Variants in RTN4RL1 observed in about 807,000 individuals in gnomAD.
RTN4RL1 encodes reticulon-4 receptor-like 1.
Under a neutral mutation model 25.6 loss-of-function variants are expected in RTN4RL1, and 7 were observed. That is an observed-to-expected ratio of 0.27 (90% CI 0.16 to 0.51). The LOEUF (loss-of-function observed/expected upper bound fraction) is 0.51. Among genes scored for constraint, RTN4RL1 ranks in the 20% least tolerant of loss-of-function variants. The probability of loss-of-function intolerance (pLI) is 0.97; values close to 1 mark genes in which losing one functional copy is unlikely to be tolerated. For missense variants in RTN4RL1, 500 were observed against 615.6 expected (o/e 0.81, Z 1.99); for synonymous variants, 297 against 288.2 (o/e 1.03, Z -0.31).
intron 1 of RTN4RL1, among the ~76,000 whole-genome samples, chr17:2,011,805 G>A (rs761079744): frequency 9.9e-5 from 15 of 152,130 alleles, no homozygotes; most frequent in South Asian, 4.1e-4. Context: ...AGGCAGCCCC[G>A]GGGCTAACTG....
At chr17:1,986,118 G>C (rs535918402) in intron 1 of RTN4RL1, among the ~76,000 whole-genome samples, 6 of 152,046 alleles carry the variant, frequency 3.9e-5, no homozygotes, top group Non-Finnish European at 4.4e-5. Flanking sequence ...GTGGAAGAGA[G>C]CCATCTCCAG....
rs748153686 is a variant in RTN4RL1, at chr17:1,937,855, G to A, written c.14-47C>T. On this transcript the variant is annotated intron_variant, in intron 1 of 1. Transcript: ENST00000331238. ...GCCAGGTCAGGGGCCGTGCAGGTGA[G>A]GACTGGCACCGCACCCTCCGGCGCC... The A allele has an allele frequency of 3.2e-5, 46 of 1,445,524 alleles. No individual in the cohort carries two copies. The African/African-American group carries it at 5.3e-4, about 17-fold the overall frequency. The allele number at this position is 1,445,524 out of a possible 1,614,324, so 89.5% of individuals were successfully genotyped here.
chr17:1,970,411 A>G (rs1219105009), intron 1 of RTN4RL1, among the ~76,000 whole-genome samples: 1 of 152,152 alleles, frequency 6.6e-6, no homozygotes, highest in African/African-American at 2.4e-5. Context: ...TCCTAAAACC[A>G]CAGCGTGAAA....
chr17:1,941,993 G>A (rs1915447768), intron 1 of RTN4RL1, among the ~76,000 whole-genome samples: 2 of 152,188 alleles, frequency 1.3e-5, no homozygotes, highest in Admixed American at 6.5e-5. Flanking sequence ...GAGCCTTGGC[G>A]GTGCATTTTA....
chr17:1,992,161 G>A (rs1304666191), intron 1 of RTN4RL1, among the ~76,000 whole-genome samples: 3 of 151,882 alleles, frequency 2.0e-5, no homozygotes, highest in Admixed American at 6.6e-5. Flanking sequence ...TCAGGAGAAC[G>A]AGACCATCCT....
intron 1 of RTN4RL1, among the ~76,000 whole-genome samples, chr17:1,941,995 T>C (rs1442775321): frequency 2.0e-5 from 3 of 152,158 alleles, no homozygotes; most frequent in Non-Finnish European, 4.4e-5. Context: ...GCCTTGGCGG[T>C]GCATTTTAAG....
rs187160812 is a variant in RTN4RL1, at chr17:2,002,324, G to T, written c.13+22529C>A. 5.0e-3 allele frequency among the ~76,000 whole-genome samples: 704 copies of T among 139,612 alleles called. 29 individuals carry two copies. In the East Asian group the frequency reaches 0.095, roughly 19 times the overall value. 91.6% of individuals were successfully genotyped at this position (139,612 alleles called of 152,430 possible). A position where few individuals can be genotyped will look rare whatever the true frequency, so the allele number is the denominator to read the frequency against. ...AATTTTTTTTTTGAGACGGAGTCTT[G>T]CTCTGTCGCCCAGGCTGGAGTGCAG... On this transcript the variant is annotated intron_variant, in intron 1 of 1. Coordinates refer to ENST00000331238, the MANE Select transcript of RTN4RL1 (RefSeq NM_178568.4).
chr17:1,974,715 G>A (rs367821649), intron 1 of RTN4RL1, among the ~76,000 whole-genome samples: 1 of 151,850 alleles, frequency 6.6e-6, no homozygotes, highest in Non-Finnish European at 1.5e-5. Context: ...CCAGCCTGTG[G>A]GGGTGGGGAG....
intron 1 of RTN4RL1, among the ~76,000 whole-genome samples, chr17:2,024,192 A>C (rs1641523549): frequency 6.6e-6 from 1 of 152,108 alleles, no homozygotes; most frequent in South Asian, 2.1e-4. Context: ...AGCTGTCCTC[A>C]AGTTGAGCTG....
At chr17:1,966,329 C>T (rs1369685428) in intron 1 of RTN4RL1, among the ~76,000 whole-genome samples, 1 of 152,180 alleles carries the variant, frequency 6.6e-6, no homozygotes, top group African/African-American at 2.4e-5. Context: ...GCGAGGCCCC[C>T]TCTCCTGTCA....
chr17:1,951,326 C>T (rs557669987), intron 1 of RTN4RL1, among the ~76,000 whole-genome samples: 7 of 152,088 alleles, frequency 4.6e-5, no homozygotes, highest in East Asian at 3.9e-4. Flanking sequence ...TGAGGCTTTT[C>T]GCGACACAAT....
chr17:1,939,396 T>TAAAAC (rs1555601799), intron 1 of RTN4RL1, among the ~76,000 whole-genome samples: 3,146 of 144,596 alleles, frequency 0.022, 59 homozygotes, highest in African/African-American at 0.027. Context: ...ATAAATAAAA[T>TAAAAC]ACAGACAATA....
chr17:1,988,586 G>A (rs1476828281), intron 1 of RTN4RL1, among the ~76,000 whole-genome samples: 4 of 151,838 alleles, frequency 2.6e-5, no homozygotes, highest in Non-Finnish European at 5.9e-5. Flanking sequence ...CTCTCCAGAG[G>A]TGTCTCTCTC....
chr17:1,988,506 C>CA (rs777393625), intron 1 of RTN4RL1, among the ~76,000 whole-genome samples: 30,099 of 79,332 alleles, frequency 0.38, 4,122 homozygotes, highest in Non-Finnish European at 0.41. Flanking sequence ...GACTCTGTCT[C>CA]AAAAAAAAAA....
intron 1 of RTN4RL1, among the ~76,000 whole-genome samples, chr17:2,004,419 CT>C (rs1459625158): frequency 8.1e-5 from 12 of 147,758 alleles, no homozygotes; most frequent in African/African-American, 2.5e-4. Flanking sequence ...GAAGCAGTGT[CT>C]ATTTTGCGGG....
chr17:1,988,200 C>T (rs370112590), intron 1 of RTN4RL1, among the ~76,000 whole-genome samples: 8 of 151,888 alleles, frequency 5.3e-5, no homozygotes, highest in African/African-American at 1.2e-4. Flanking sequence ...GGGCAGATCA[C>T]GAGGTCAAGA....
At chr17:1,957,717 A>G (rs1047663815) in intron 1 of RTN4RL1, among the ~76,000 whole-genome samples, 6 of 152,002 alleles carry the variant, frequency 3.9e-5, no homozygotes, top group Non-Finnish European at 8.8e-5. Flanking sequence ...GGTGGCGGGC[A>G]CCTGTAATCC....
chr17:1,976,884 A>C (rs1399140456), intron 1 of RTN4RL1, among the ~76,000 whole-genome samples: 1 of 152,314 alleles, frequency 6.6e-6, no homozygotes, highest in Non-Finnish European at 1.5e-5. Flanking sequence ...TCTGAACCTC[A>C]GCGTCTGTAT....
At chr17:1,993,362 C>G (rs945456656) in intron 1 of RTN4RL1, among the ~76,000 whole-genome samples, 1 of 152,232 alleles carries the variant, frequency 6.6e-6, no homozygotes, top group African/African-American at 2.4e-5. Context: ...TGGGGCCAGT[C>G]AGACCTGGGT....
Sources: gnomAD v4.1 joint callset for allele counts (sites outside exome capture counted in the v4.1 genomes callset) on GRCh38, gnomAD v4.1.1 for gene constraint, MANE v1.5 for transcripts, NCBI Gene and HGNC (gene_info 2026-07-23, HGNC 2026-07-21) for gene names.